PIAS2: variants seen among roughly 807,000 people sequenced by gnomAD.
The protein encoded by PIAS2 is E3 SUMO-protein ligase PIAS2.
In PIAS2, 19 loss-of-function variants were observed where a neutral mutation model predicts 69.7. The ratio of observed to expected loss-of-function variants is 0.27; its 90% CI spans 0.19 to 0.40. PIAS2 has a LOEUF of 0.40. PIAS2 is among the 10% of genes least tolerant of loss of function. The probability of loss-of-function intolerance (pLI) is 1.00; values close to 1 mark genes in which losing one functional copy is unlikely to be tolerated. For missense variants in PIAS2, 624 were observed against 757.0 expected (o/e 0.82, Z 2.06); for synonymous variants, 261 against 263.2 (o/e 0.99, Z 0.08).
Position 46,812,121 on chromosome 18 carries a change from C to T in PIAS2, c.*312G>A, listed in dbSNP as rs1233465840. On this transcript the variant is annotated 3_prime_UTR_variant, in exon 14 of 14. Coordinates refer to ENST00000585916, the MANE Select transcript of PIAS2 (RefSeq NM_004671.5). Reference sequence around the variant, plus strand: ...ATAATTTTATTGCTCTTTATTTTAACAAAAACTTTTTTCACTGATTTGTAG... The same window carrying T: ...ATAATTTTATTGCTCTTTATTTTAATAAAAACTTTTTTCACTGATTTGTAG... The T allele has an allele frequency of 1.6e-5, 3 of 185,186 alleles. No homozygotes were observed. Among genetic ancestry groups the T allele is most frequent in the Non-Finnish European group, 3.3e-5 (3 of 90,362 alleles). 11.5% of individuals were successfully genotyped at this position (185,186 alleles called of 1,614,324 possible).
chr18:46,853,393 GT>G (rs1302558436), intron 5 of PIAS2: 3 of 152,024 alleles, frequency 2.0e-5, no homozygotes, highest in Non-Finnish European at 4.4e-5. Context: ...GTATTAATCT[GT>G]TTTGCCAGGC....
chr18:46,897,319 A>G (rs548754184), intron 1 of PIAS2, among the ~76,000 whole-genome samples: 1 of 152,334 alleles, frequency 6.6e-6, no homozygotes, highest in African/African-American at 2.4e-5. Flanking sequence ...TGCACAAGAT[A>G]AGCCTATAAC....
At chr18:46,856,471 T>C (rs947501166) in intron 3 of PIAS2, among the ~76,000 whole-genome samples, 1 of 152,106 alleles carries the variant, frequency 6.6e-6, no homozygotes, top group Non-Finnish European at 1.5e-5. Context: ...CATAATTATG[T>C]ATCCAATTAA....
At chr18:46,898,836 A>C (rs2055321801) in intron 1 of PIAS2, among the ~76,000 whole-genome samples, 1 of 152,050 alleles carries the variant, frequency 6.6e-6, no homozygotes, top group African/African-American at 2.4e-5. Flanking sequence ...TCTACTAAAA[A>C]TACAAATATT....
At chr18:46,841,213 C>T (rs1298775182) in intron 8 of PIAS2, among the ~76,000 whole-genome samples, 1 of 152,064 alleles carries the variant, frequency 6.6e-6, no homozygotes, top group African/African-American at 2.4e-5. Context: ...TCCTTTAGTC[C>T]CAAGGACAGA....
chr18:46,904,362 T>A (rs1383393746), intron 1 of PIAS2, among the ~76,000 whole-genome samples: 1 of 152,162 alleles, frequency 6.6e-6, no homozygotes, highest in East Asian at 1.9e-4. Flanking sequence ...TCAATGGTAT[T>A]ATATTTGAAA....
In PIAS2 at chr18:46,807,004, G is replaced by T. The variant is rs535203601; in HGVS notation, c.*5429C>A. On this transcript the variant is annotated 3_prime_UTR_variant, in exon 14 of 14. Transcript: ENST00000585916. ...TCTTTCCCTGCAGCTACCCTTATTG[G>T]AAACATAAGGGAATATAAAGTGAAA... The T allele has an allele frequency of 1.7e-4, 26 of 152,064 alleles. 1 individual carries two copies. The East Asian group carries it at 4.5e-3, about 26-fold the overall frequency. The allele number at this position is 152,064 out of a possible 1,614,324, so 9.4% of individuals were successfully genotyped here. A position where few individuals can be genotyped will look rare whatever the true frequency, so the allele number is the denominator to read the frequency against.
chr18:46,917,382 G>A lies in PIAS2; in HGVS notation c.-37C>T, dbSNP rs2058099867. On this transcript the variant is annotated 5_prime_UTR_variant, in exon 1 of 14. Transcript: ENST00000585916. ...CGCGGGCGCCGCCGCCGCTGCCGCC[G>A]CACCCACTCCCGCTGCCGCCAACGA... is the stretch of plus-strand genomic sequence containing the variant. 8 of 1,446,006 alleles carry A rather than the reference G, an allele frequency of 5.5e-6. No homozygotes were observed. The East Asian group carries it at 9.6e-5, about 17-fold the overall frequency. The allele number at this position is 1,446,006 out of a possible 1,614,324, so 89.6% of individuals were successfully genotyped here.
chr18:46,906,001 T>C (rs1297553680), intron 1 of PIAS2: 1 of 152,068 alleles, frequency 6.6e-6, no homozygotes, highest in African/African-American at 2.4e-5. Flanking sequence ...TAGATCAGGG[T>C]TGAATTTATA....
intron 2 of PIAS2, among the ~76,000 whole-genome samples, chr18:46,866,991 C>T (rs1412014799): frequency 1.3e-5 from 2 of 152,148 alleles, no homozygotes; most frequent in African/African-American, 4.8e-5. Flanking sequence ...ACCCATGAAC[C>T]TTAACATTTG....
At chr18:46,848,768 T>G (rs2145314627) in intron 5 of PIAS2, among the ~76,000 whole-genome samples, 1 of 145,314 alleles carries the variant, frequency 6.9e-6, no homozygotes, top group South Asian at 2.2e-4. Context: ...AGAGAGACAG[T>G]GTGTGTGTGT....
At chr18:46,845,436 G>C (rs950891481) in intron 6 of PIAS2, among the ~76,000 whole-genome samples, 1 of 152,094 alleles carries the variant, frequency 6.6e-6, no homozygotes, top group Non-Finnish European at 1.5e-5. Flanking sequence ...ATTAACTCCT[G>C]TACCCCAAAT....
chr18:46,811,699 G>C lies in PIAS2; in HGVS notation c.*734C>G, dbSNP rs906331597. 6 of 152,110 alleles carry C rather than the reference G, an allele frequency of 3.9e-5. No individual in the cohort carries two copies. The highest frequency in any genetic ancestry group is 5.9e-5 in the Non-Finnish European group (4 of 68,022). 9.4% of individuals were successfully genotyped at this position (152,110 alleles called of 1,614,324 possible). On this transcript the variant is annotated 3_prime_UTR_variant, in exon 14 of 14. Coordinates refer to ENST00000585916, the MANE Select transcript of PIAS2 (RefSeq NM_004671.5). ...AAACATAATAACACACTTTATGTCA[G>C]GGCAGAATCTGCATAGTGCTTTTAA...
chr18:46,914,022 T>C (rs1302102456), intron 1 of PIAS2, among the ~76,000 whole-genome samples: 3 of 152,190 alleles, frequency 2.0e-5, no homozygotes, highest in Non-Finnish European at 4.4e-5. Flanking sequence ...GGCCATCAAA[T>C]CTTATGATCT....
chr18:46,909,180 G>A (rs2056978872), intron 1 of PIAS2, among the ~76,000 whole-genome samples: 1 of 152,122 alleles, frequency 6.6e-6, no homozygotes, highest in Non-Finnish European at 1.5e-5. Flanking sequence ...GGGAAGAATG[G>A]CTAATCAGTA....
At chr18:46,884,547 G>A (rs1288326196) in intron 2 of PIAS2, among the ~76,000 whole-genome samples, 4 of 151,918 alleles carry the variant, frequency 2.6e-5, no homozygotes, top group Admixed American at 6.6e-5. Context: ...TCCTGACCTC[G>A]TGATCCGCCC....
chr18:46,876,490 G>A (rs993235415), intron 2 of PIAS2, among the ~76,000 whole-genome samples: 1 of 152,148 alleles, frequency 6.6e-6, no homozygotes, highest in Admixed American at 6.5e-5. Context: ...GGACCTACCA[G>A]CCAAATGGCT....
chr18:46,876,429 C>T (rs941669642), intron 2 of PIAS2, among the ~76,000 whole-genome samples: 4 of 152,038 alleles, frequency 2.6e-5, no homozygotes, highest in Non-Finnish European at 4.4e-5. Flanking sequence ...CAACCAGCAA[C>T]GATTTGTTAA....
intron 2 of PIAS2, among the ~76,000 whole-genome samples, chr18:46,882,461 C>T (rs2052431999): frequency 6.6e-6 from 1 of 152,098 alleles, no homozygotes; most frequent in Non-Finnish European, 1.5e-5. Context: ...TGTCGAATTT[C>T]CCTCTAAAGG....
Sources: allele counts gnomAD v4.1 joint callset (sites outside exome capture counted in the v4.1 genomes callset), GRCh38; gene constraint gnomAD v4.1.1; transcripts MANE v1.5; gene names NCBI Gene and HGNC (gene_info 2026-07-23, HGNC 2026-07-21).